ATG5: variants seen among roughly 807,000 people sequenced by gnomAD.
ATG5 encodes autophagy related 5.
In ATG5, 14 loss-of-function variants were observed where a neutral mutation model predicts 36.5. The observed-to-expected ratio is 0.38, with a 90% CI of 0.25 to 0.60. ATG5 has a LOEUF of 0.60. Ranked by LOEUF, ATG5 falls within the 20% of genes least tolerant of loss-of-function variation. The pLI, the probability that ATG5 is intolerant of heterozygous loss-of-function variation, is 0.60. For synonymous variants in ATG5, 95 were observed against 101.5 expected (o/e 0.94, Z 0.38); for missense variants, 195 against 326.7 (o/e 0.60, Z 3.11).
At chr6:106,246,962 C>T (rs1778366855) in intron 6 of ATG5, among the ~76,000 whole-genome samples, 1 of 152,162 alleles carries the variant, frequency 6.6e-6, no homozygotes, top group African/African-American at 2.4e-5. Flanking sequence ...AACAATAACC[C>T]CGCCTTCATG....
chr6:106,281,206 G>T (rs748364830), intron 4 of ATG5, among the ~76,000 whole-genome samples: 1 of 152,122 alleles, frequency 6.6e-6, no homozygotes, highest in Non-Finnish European at 1.5e-5. Context: ...TTTTTTAAAA[G>T]TCAAACTTAT....
intron 5 of ATG5, among the ~76,000 whole-genome samples, chr6:106,279,428 G>A (rs1779790191): frequency 6.6e-6 from 1 of 152,170 alleles, no homozygotes; most frequent in African/African-American, 2.4e-5. Flanking sequence ...TATGACATAT[G>A]CCATATGTTA....
chr6:106,311,832 CTTTT>C (rs539005722), intron 2 of ATG5, among the ~76,000 whole-genome samples: 1 of 141,414 alleles, frequency 7.1e-6, no homozygotes, highest in Non-Finnish European at 1.6e-5. Flanking sequence ...TGATCTCCTT[CTTTT>C]TTTTTTTTTT....
At chr6:106,196,472 A>G (rs1271774309) in intron 7 of ATG5, among the ~76,000 whole-genome samples, 1 of 152,056 alleles carries the variant, frequency 6.6e-6, no homozygotes, top group African/African-American at 2.4e-5. Context: ...AAATTAAGAG[A>G]GTGAACTTTG....
intron 7 of ATG5, among the ~76,000 whole-genome samples, chr6:106,192,871 T>C (rs925149214): frequency 6.6e-6 from 1 of 152,216 alleles, no homozygotes; most frequent in Non-Finnish European, 1.5e-5. Context: ...ATATGTTCAT[T>C]AGTAAAACAC....
At chr6:106,302,255 C>T (rs1441050177) in intron 3 of ATG5, among the ~76,000 whole-genome samples, 2 of 151,952 alleles carry the variant, frequency 1.3e-5, no homozygotes, top group African/African-American at 2.4e-5. Context: ...AGCAAAGAAA[C>T]GGAAGCCCAA....
chr6:106,276,794 T>A (rs1207988795), intron 5 of ATG5, among the ~76,000 whole-genome samples: 1 of 152,196 alleles, frequency 6.6e-6, no homozygotes, highest in Non-Finnish European at 1.5e-5. Context: ...ATTTAGGCTA[T>A]CTTCTTATTT....
intron 6 of ATG5, among the ~76,000 whole-genome samples, chr6:106,238,513 C>T (rs1777985212): frequency 6.6e-6 from 1 of 152,194 alleles, no homozygotes; most frequent in Non-Finnish European, 1.5e-5. Flanking sequence ...CACCAGCTCT[C>T]CTGAGCTAAG....
At chr6:106,231,158 G>A (rs922995836) in intron 6 of ATG5, among the ~76,000 whole-genome samples, 3 of 152,176 alleles carry the variant, frequency 2.0e-5, no homozygotes, top group African/African-American at 4.8e-5. Context: ...CAGAGTGCAC[G>A]TACCTTTTTC....
intron 7 of ATG5, among the ~76,000 whole-genome samples, chr6:106,197,876 T>C (rs1582536383): frequency 2.0e-5 from 3 of 152,154 alleles, no homozygotes; most frequent in Non-Finnish European, 2.9e-5. Context: ...TAATGTTCTT[T>C]AAAGTACTAC....
chr6:106,301,192 G>A (rs676090), intron 3 of ATG5, among the ~76,000 whole-genome samples: 6,779 of 151,980 alleles, frequency 0.045, 419 homozygotes, highest in East Asian at 0.25. Context: ...TTTGAGTTAG[G>A]CCAGCACTTT....
In ATG5 at chr6:106,287,752, C is replaced by T. The variant is rs555960154; in HGVS notation, c.315+5276G>A. ...CACATTAACTCCTTTTTTAAAAATT[C>T]CATGCACTGTTCTCAACATGGACAA... is the stretch of plus-strand genomic sequence containing the variant. On this transcript the variant is annotated intron_variant, in intron 4 of 7. Transcript: ENST00000369076. 3.3e-5 allele frequency among the ~76,000 whole-genome samples: 5 copies of T among 152,098 alleles called. No individual in the cohort carries two copies. The East Asian group carries it at 9.7e-4, about 29-fold the overall frequency.
At chr6:106,272,396 G>A (rs1003679151) in intron 5 of ATG5, among the ~76,000 whole-genome samples, 6 of 152,180 alleles carry the variant, frequency 3.9e-5, no homozygotes, top group East Asian at 3.8e-4. Flanking sequence ...AACAGGCAGC[G>A]TCTCTGCCTG....
intron 5 of ATG5, among the ~76,000 whole-genome samples, chr6:106,274,444 C>G (rs1056267135): frequency 3.9e-5 from 6 of 152,098 alleles, no homozygotes; most frequent in Admixed American, 3.9e-4. Flanking sequence ...TTAAAATTAG[C>G]ATTTGAAAGT....
intron 3 of ATG5, among the ~76,000 whole-genome samples, chr6:106,303,076 A>C (rs1167323495): frequency 6.6e-6 from 1 of 152,000 alleles, no homozygotes. Context: ...AAATAATAAA[A>C]CCAAAGGAGC....
At chr6:106,276,216 G>C (rs1779641402) in intron 5 of ATG5, among the ~76,000 whole-genome samples, 1 of 152,144 alleles carries the variant, frequency 6.6e-6, no homozygotes, top group East Asian at 1.9e-4. Flanking sequence ...TGTAATCCCA[G>C]CACTTTGGGA....
intron 3 of ATG5, among the ~76,000 whole-genome samples, chr6:106,297,696 A>G (rs1216597635): frequency 6.7e-6 from 1 of 149,530 alleles, no homozygotes; most frequent in Non-Finnish European, 1.5e-5. Context: ...AAATTCTCTA[A>G]ATTATTTGCA....
chr6:106,248,735 T>A (rs1007098345), intron 5 of ATG5, among the ~76,000 whole-genome samples: 5 of 152,118 alleles, frequency 3.3e-5, no homozygotes, highest in Non-Finnish European at 5.9e-5. Context: ...GGTCAGGCGT[T>A]CCTGACCAGC....
At chr6:106,242,688 C>T (rs985206958) in intron 6 of ATG5, among the ~76,000 whole-genome samples, 3 of 152,076 alleles carry the variant, frequency 2.0e-5, no homozygotes, top group African/African-American at 7.2e-5. Flanking sequence ...TCCTATTCTG[C>T]TAGAGATATA....
Sources: allele counts gnomAD v4.1 joint callset (sites outside exome capture counted in the v4.1 genomes callset), GRCh38; gene constraint gnomAD v4.1.1; transcripts MANE v1.5; gene names NCBI Gene and HGNC (gene_info 2026-07-23, HGNC 2026-07-21).